Variants in ZNF385D observed in about 807,000 individuals in gnomAD.
ZNF385D encodes the protein zinc finger protein 659.
In ZNF385D, 15 loss-of-function variants were observed where a neutral mutation model predicts 35.8. That is an observed-to-expected ratio of 0.42 (90% CI 0.28 to 0.64). The LOEUF is 0.64. Among genes scored for constraint, ZNF385D ranks in the 30% least tolerant of loss-of-function variants. The pLI, the probability that ZNF385D is intolerant of heterozygous loss-of-function variation, is 0.23. For missense variants in ZNF385D, 474 were observed against 494.6 expected, an observed-to-expected ratio of 0.96 and a Z score of 0.39; for synonymous variants, 212 against 186.8, an observed-to-expected ratio of 1.13 and a Z score of -1.10.
intron 2 of ZNF385D, among the ~76,000 whole-genome samples, chr3:21,572,021 A>C (rs188549501): frequency 6.6e-6 from 1 of 152,148 alleles, no homozygotes; most frequent in African/African-American, 2.4e-5. Context: ...CATGAACTCA[A>C]TCTCCAGCAT....
Position 21,839,767 on chromosome 3 carries a change from G to A in ZNF385D, c.326-174739C>T, listed in dbSNP as rs1236455111. On this transcript the variant is annotated intron_variant, in intron 3 of 5. Coordinates refer to the ZNF385D transcript ENST00000494108. ...AGCAGTGGAAAAAGTGATCCCTGGA[G>A]AGTCACATACCAGCAATCAAATGCC... is the stretch of plus-strand genomic sequence containing the variant. Among the ~76,000 whole-genome samples, 4 of 152,102 alleles carry A rather than the reference G, an allele frequency of 2.6e-5. No homozygotes were observed. The East Asian group carries it at 5.8e-4, about 22-fold the overall frequency.
At chr3:22,272,731 A>G (rs1169855504) in intron 2 of ZNF385D, among the ~76,000 whole-genome samples, 1 of 152,046 alleles carries the variant, frequency 6.6e-6, no homozygotes, top group African/African-American at 2.4e-5. Context: ...CTTAGACTGT[A>G]TGTAAATAAT....
chr3:22,056,635 T>G (rs1445348590), intron 3 of ZNF385D, among the ~76,000 whole-genome samples: 1 of 152,230 alleles, frequency 6.6e-6, no homozygotes, highest in Non-Finnish European at 1.5e-5. Context: ...CTGGTGCAGT[T>G]TGACAGTTTT....
intron 3 of ZNF385D, chr3:21,849,605 C>CTTTTTT (rs3073866): frequency 5.3e-3 from 576 of 107,870 alleles, no homozygotes; most frequent in Non-Finnish European, 7.7e-3. Context: ...AAACCCATTT[C>CTTTTTT]TTTTTTTTTT....
chr3:22,045,406 A>C (rs1246348139), intron 3 of ZNF385D, among the ~76,000 whole-genome samples: 1 of 152,180 alleles, frequency 6.6e-6, no homozygotes, highest in Non-Finnish European at 1.5e-5. Context: ...GGGAGATGAT[A>C]TCCAGAACTG....
At chr3:21,651,603 A>G (rs1054921014) in intron 2 of ZNF385D, among the ~76,000 whole-genome samples, 1 of 151,782 alleles carries the variant, frequency 6.6e-6, no homozygotes, top group Non-Finnish European at 1.5e-5. Flanking sequence ...CTATTAGAAT[A>G]ATGCCATTTA....
At chr3:22,323,172 C>T (rs969701089) in intron 2 of ZNF385D, among the ~76,000 whole-genome samples, 5 of 152,052 alleles carry the variant, frequency 3.3e-5, no homozygotes, top group Admixed American at 6.6e-5. Context: ...GGAGATTTTG[C>T]ACAAAGATTT....
At chr3:21,904,552 T>A (rs1699578884) in intron 3 of ZNF385D, among the ~76,000 whole-genome samples, 1 of 152,162 alleles carries the variant, frequency 6.6e-6, no homozygotes. Context: ...TCACGTCATC[T>A]TTCTGGATTC....
chr3:22,053,093 C>T (rs1224828232), intron 3 of ZNF385D, among the ~76,000 whole-genome samples: 1 of 80,282 alleles, frequency 1.2e-5, no homozygotes, highest in African/African-American at 4.7e-5. Context: ...CGCCCCTCCC[C>T]CAGCCTCGTT....
chr3:21,917,057 A>G (rs1700223540), intron 3 of ZNF385D, among the ~76,000 whole-genome samples: 1 of 152,212 alleles, frequency 6.6e-6, no homozygotes, highest in Non-Finnish European at 1.5e-5. Flanking sequence ...AAGGGAAGAA[A>G]GAGAATCCAT....
Position 21,792,059 on chromosome 3 carries a change from C to A in ZNF385D, c.326-127031G>T, listed in dbSNP as rs76917307. ...TAATCATTTTTATATTCTATTTGGTCTTTTCTGCAAAAGACATTTGAGAAT... is the reference window on the plus strand; with the variant it reads ...TAATCATTTTTATATTCTATTTGGTATTTTCTGCAAAAGACATTTGAGAAT... On this transcript the variant is annotated intron_variant, in intron 3 of 5. Transcript: ENST00000494108. Among the ~76,000 whole-genome samples the A allele has an allele frequency of 1.7e-3, 258 of 152,242 alleles. 1 individual carries two copies. Among genetic ancestry groups the A allele is most frequent in the African/African-American group, 5.8e-3 (242 of 41,546 alleles).
intron 3 of ZNF385D, among the ~76,000 whole-genome samples, chr3:21,907,490 G>A (rs929307591): frequency 2.6e-5 from 4 of 152,008 alleles, no homozygotes; most frequent in African/African-American, 4.8e-5. Flanking sequence ...ATGCTTGTGT[G>A]AATAAGTCCT....
At chr3:21,863,769 G>C (rs1697183779) in intron 3 of ZNF385D, among the ~76,000 whole-genome samples, 1 of 152,108 alleles carries the variant, frequency 6.6e-6, no homozygotes, top group Admixed American at 6.5e-5. Context: ...TTTTAAGGCA[G>C]GACTCATGTT....
chr3:21,676,405 T>A (rs1186192143), intron 1 of ZNF385D, among the ~76,000 whole-genome samples: 2 of 152,134 alleles, frequency 1.3e-5, no homozygotes, highest in Admixed American at 1.3e-4. Flanking sequence ...TATATTTTCT[T>A]TTAATTCTGA....
chr3:21,884,416 C>T (rs1204913725), intron 3 of ZNF385D, among the ~76,000 whole-genome samples: 1 of 151,962 alleles, frequency 6.6e-6, no homozygotes, highest in African/African-American at 2.4e-5. Flanking sequence ...TATTTATCCC[C>T]TAGAATAGTT....
intron 3 of ZNF385D, among the ~76,000 whole-genome samples, chr3:22,010,916 A>G (rs1033237991): frequency 5.9e-5 from 9 of 152,056 alleles, no homozygotes; most frequent in African/African-American, 1.2e-4. Context: ...TCCTCCCACC[A>G]CTCACCCTCA....
At chr3:22,167,664 C>A (rs1029797215) in intron 3 of ZNF385D, among the ~76,000 whole-genome samples, 2 of 152,134 alleles carry the variant, frequency 1.3e-5, no homozygotes, top group East Asian at 1.9e-4. Flanking sequence ...TGGGCCGAGG[C>A]AGAGCAAGGA....
chr3:21,758,991 A>AC (rs1394472765), intron 3 of ZNF385D, among the ~76,000 whole-genome samples: 9 of 147,742 alleles, frequency 6.1e-5, no homozygotes, highest in African/African-American at 7.6e-5. Context: ...AAAAAAAAAA[A>AC]AAAAAAAAAA....
chr3:21,544,746 C>T lies in ZNF385D; in HGVS notation c.276+19828G>A, dbSNP rs563591017. Among the ~76,000 whole-genome samples the T allele has an allele frequency of 2.1e-4, 32 of 152,256 alleles. No homozygotes were observed. In the South Asian group the frequency reaches 6.6e-3, roughly 32 times the overall value. Reference sequence around the variant, plus strand: ...TTTTGCTTCTTTAAAATTTCTGAGTCATCATTTTGGCAAAATAAATAACTT... The same window carrying T: ...TTTTGCTTCTTTAAAATTTCTGAGTTATCATTTTGGCAAAATAAATAACTT... On this transcript the variant is annotated intron_variant, in intron 3 of 7. Coordinates refer to ENST00000281523, the MANE Select transcript of ZNF385D (RefSeq NM_024697.3).
Sources: gnomAD v4.1 joint callset for allele counts (sites outside exome capture counted in the v4.1 genomes callset) on GRCh38, gnomAD v4.1.1 for gene constraint, MANE v1.5 for transcripts, NCBI Gene and HGNC (gene_info 2026-07-23, HGNC 2026-07-21) for gene names.